RABGAP1: variants seen among roughly 807,000 people sequenced by gnomAD.
RABGAP1 encodes RAB GTPase activating protein 1, also known as rab GTPase-activating protein 1.
RABGAP1 carries 23 observed loss-of-function variants against 137.6 expected under a neutral mutation model. The ratio of observed to expected loss-of-function variants is 0.17; its 90% CI spans 0.12 to 0.24. RABGAP1 has a LOEUF of 0.24. Ranked by LOEUF, RABGAP1 falls within the 10% of genes least tolerant of loss-of-function variation. The pLI is 1.00. For missense variants in RABGAP1, 906 were observed against 1,275.8 expected (o/e 0.71, Z 4.42); for synonymous variants, 451 against 450.7 (o/e 1.00, Z -0.01).
At position 123,020,347 on chromosome 9, in the gene RABGAP1, C is replaced by T; in HGVS notation, c.1682C>T (p.Ser561Phe). 2.5e-6 allele frequency: 4 copies of T among 1,598,112 alleles called. No homozygotes were observed. The highest frequency in any genetic ancestry group is 3.4e-6 in the Non-Finnish European group (4 of 1,171,456). The change falls in exon 13 of 26, where the codon TCC becomes TTC. Residue 561 changes from serine to phenylalanine, a missense_variant. Transcript: ENST00000373647. ...AATGTGAGACCGAAGCAGTTGTCAT[C>T]CTTAGTAAGAAACGGTGTCCCTGAA... ...NLNVRPKQLS[S>F]LVRNGVPEAL...
At chr9:123,071,505 AATAAGAGAC>A (rs2034355081) in intron 15 of RABGAP1, 4 of 152,256 alleles carry the variant, frequency 2.6e-5, no homozygotes, top group African/African-American at 7.2e-5. Context: ...ATCAGAGGTA[AATAAGAGAC>A]ATGGTCTCAA....
At chr9:123,050,489 T>C (rs1015020398) in intron 13 of RABGAP1, among the ~76,000 whole-genome samples, 8 of 152,344 alleles carry the variant, frequency 5.3e-5, no homozygotes, top group African/African-American at 9.6e-5. Context: ...TGGTTCCTAG[T>C]TGAAAATACT....
At chr9:122,993,396 C>T (rs1400454649) in intron 6 of RABGAP1, among the ~76,000 whole-genome samples, 3 of 151,886 alleles carry the variant, frequency 2.0e-5, no homozygotes, top group Admixed American at 2.0e-4. Context: ...TTCAACCTCC[C>T]GAGTAGCTGG....
intron 13 of RABGAP1, among the ~76,000 whole-genome samples, chr9:123,038,674 A>C (rs2132012254): frequency 6.6e-6 from 1 of 152,156 alleles, no homozygotes; most frequent in Admixed American, 6.5e-5. Flanking sequence ...AGTCCTCATA[A>C]ATCATTTTGT....
chr9:122,983,285 A>G (rs1836184434), intron 2 of RABGAP1, among the ~76,000 whole-genome samples: 1 of 152,240 alleles, frequency 6.6e-6, no homozygotes, highest in Non-Finnish European at 1.5e-5. Context: ...GCCCACTTGT[A>G]ATTCCATTAG....
intron 20 of RABGAP1, 41 bp from the exon 21 acceptor site, chr9:123,090,234 G>A (rs1188768810): frequency 6.8e-7 from 1 of 1,480,846 alleles, no homozygotes; most frequent in Non-Finnish European, 9.2e-7. Context: ...ATTTCCATCT[G>A]ATTTTTATGT....
chr9:123,014,884 A>C (rs1157164472), intron 11 of RABGAP1, among the ~76,000 whole-genome samples: 1 of 152,116 alleles, frequency 6.6e-6, no homozygotes, highest in Admixed American at 6.6e-5. Context: ...GAGTGCCAGC[A>C]GGGGAAATGC....
intron 13 of RABGAP1, among the ~76,000 whole-genome samples, chr9:123,029,057 A>G (rs955597660): frequency 2.0e-5 from 3 of 152,198 alleles, no homozygotes; most frequent in African/African-American, 7.2e-5. Flanking sequence ...AGACCCGTTA[A>G]TAATTCAGGC....
chr9:122,981,175 C>T (rs755477100), intron 2 of RABGAP1, among the ~76,000 whole-genome samples: 62 of 152,132 alleles, frequency 4.1e-4, no homozygotes, highest in Non-Finnish European at 8.2e-4. Flanking sequence ...CAGGTGCATG[C>T]CACAATGCCT....
At chr9:122,982,442 A>C (rs945302877) in intron 2 of RABGAP1, among the ~76,000 whole-genome samples, 37 of 152,330 alleles carry the variant, frequency 2.4e-4, no homozygotes, top group African/African-American at 7.9e-4. Context: ...AGGTTTACTT[A>C]TGTGCCAAAG....
chr9:122,978,067 G>A (rs1370424345), intron 2 of RABGAP1, among the ~76,000 whole-genome samples: 1 of 152,168 alleles, frequency 6.6e-6, no homozygotes, highest in Non-Finnish European at 1.5e-5. Context: ...CCTCTTAGTT[G>A]TACAGTCCTG....
chr9:123,027,092 T>A (rs2032012870), intron 13 of RABGAP1, among the ~76,000 whole-genome samples: 1 of 149,204 alleles, frequency 6.7e-6, no homozygotes, highest in Admixed American at 6.9e-5. Flanking sequence ...AATATTTACA[T>A]TTCTTTCTTT....
At chr9:122,972,479 A>G (rs1407567291) in intron 2 of RABGAP1, among the ~76,000 whole-genome samples, 1 of 152,080 alleles carries the variant, frequency 6.6e-6, no homozygotes, top group Admixed American at 6.6e-5. Flanking sequence ...GCTTCTTCAC[A>G]GCATGGTAGT....
chr9:123,026,005 CTTTTTT>C (rs59188440), intron 13 of RABGAP1, among the ~76,000 whole-genome samples: 1 of 117,168 alleles, frequency 8.5e-6, no homozygotes, highest in African/African-American at 3.0e-5. Context: ...AAAACATATT[CTTTTTT>C]TTTTTTTTTT....
chr9:122,990,143 C>A lies in RABGAP1; in HGVS notation c.853C>A (p.Pro285Thr). The change falls in exon 6 of 26, where the codon CCT becomes ACT. Residue 285 changes from proline to threonine, a missense_variant. Physicochemically the swap from Pro to Thr is conservative, Grantham distance 38 (BLOSUM62 -1). Transcript: ENST00000373647. ...TTCAGCCACTGCTGCACCCCAGACT[C>A]CTGACAGTGACATCTTTACCTTCTC... is the stretch of plus-strand genomic sequence containing the variant. ...PLSATAAPQT[P>T]DSDIFTFSVS... The A allele has an allele frequency of 6.2e-7, 1 of 1,612,274 alleles. No homozygotes were observed.
At chr9:123,055,788 G>A (rs2033669582) in intron 13 of RABGAP1, among the ~76,000 whole-genome samples, 1 of 152,180 alleles carries the variant, frequency 6.6e-6, no homozygotes, top group Admixed American at 6.5e-5. Context: ...GACCTCAGGT[G>A]ATCCGACCAC....
At chr9:123,074,029 G>A (rs1002696975) in intron 16 of RABGAP1, among the ~76,000 whole-genome samples, 1 of 152,082 alleles carries the variant, frequency 6.6e-6, no homozygotes, top group Admixed American at 6.6e-5. Context: ...TTTTTACTTT[G>A]GAGAGAAAAA....
intron 11 of RABGAP1, among the ~76,000 whole-genome samples, chr9:123,011,502 G>A (rs1279903186): frequency 6.6e-6 from 1 of 152,184 alleles, no homozygotes; most frequent in African/African-American, 2.4e-5. Flanking sequence ...AGTGAGCACT[G>A]AGTTTCCAAT....
chr9:122,990,799 ATATATATATATATATATATAT>A (rs1836677564), intron 6 of RABGAP1: 11 of 41,798 alleles, frequency 2.6e-4, no homozygotes, highest in African/African-American at 1.3e-3. Context: ...AAAAAAAAAT[ATATATATATATATATATATAT>A]ATATATATAT....
Sources: gnomAD v4.1 joint callset for allele counts (sites outside exome capture counted in the v4.1 genomes callset) on GRCh38, gnomAD v4.1.1 for gene constraint, MANE v1.5 for transcripts, NCBI Gene and HGNC (gene_info 2026-07-23, HGNC 2026-07-21) for gene names.